The following GFPT1 variants were observed in gnomAD, a reference collection of about 807,000 sequenced individuals.
GFPT1 encodes the protein glutamine--fructose-6-phosphate transaminase 1.
GFPT1 carries 40 observed loss-of-function variants against 92.0 expected under a neutral mutation model. The ratio of observed to expected loss-of-function variants is 0.43; its 90% CI spans 0.34 to 0.57. The LOEUF is 0.57. Among genes scored for constraint, GFPT1 ranks in the 20% least tolerant of loss-of-function variants. GFPT1 has a pLI of 0.02. For missense variants in GFPT1, 448 were observed against 869.1 expected, an observed-to-expected ratio of 0.52 and a Z score of 6.09; for synonymous variants, 269 against 280.6, an observed-to-expected ratio of 0.96 and a Z score of 0.41.
chr2:69,363,694 T>A (rs1303112154), intron 3 of GFPT1, 24 bp from the exon 4 acceptor site: 1 of 1,528,624 alleles, frequency 6.5e-7, no homozygotes, highest in South Asian at 1.1e-5. Context: ...AAAGAAAAAT[T>A]TCAATATTAA....
At chr2:69,368,998 C>T (rs1176151679) in intron 3 of GFPT1, among the ~76,000 whole-genome samples, 1 of 152,170 alleles carries the variant, frequency 6.6e-6, no homozygotes. Flanking sequence ...TTCCCAGTCT[C>T]GTCAACTTGT....
chr2:69,337,753 T>G (rs1393851084), intron 15 of GFPT1, 145 bp downstream of exon 15: 10 of 725,626 alleles, frequency 1.4e-5, no homozygotes, highest in Admixed American at 2.0e-5. Context: ...TAGTAAAATG[T>G]GTGAGTTCTA....
intron 4 of GFPT1, 96 bp from the exon 5 acceptor site, chr2:69,359,422 T>G (rs1671416941): frequency 1.3e-5 from 9 of 712,174 alleles, no homozygotes; most frequent in South Asian, 1.0e-4. Context: ...AGTCAAAAAT[T>G]TTTAACATGC....
intron 3 of GFPT1, among the ~76,000 whole-genome samples, chr2:69,364,831 C>A (rs1156281441): frequency 1.3e-5 from 2 of 151,826 alleles, no homozygotes; most frequent in Non-Finnish European, 2.9e-5. Context: ...CCTGTCTCTA[C>A]TAAAACTACA....
intron 4 of GFPT1, 59 bp downstream of exon 4, chr2:69,363,486 T>C: frequency 6.6e-7 from 1 of 1,525,324 alleles, no homozygotes. Context: ...AAAGCCTTCA[T>C]TCTGCCCCCA....
chr2:69,369,982 A>G lies in GFPT1; in HGVS notation c.223+19T>C, dbSNP rs532780798. ...GAAGAGAAGGGGAAAGGGGACAAAA[A>G]TCAAATTAAGTACGTTACTGTGAAC... On this transcript the variant is annotated intron_variant, in intron 3 of 19. Coordinates refer to ENST00000357308, the MANE Select transcript of GFPT1 (RefSeq NM_001244710.2). The G allele has an allele frequency of 1.4e-5, 19 of 1,353,060 alleles. No individual in the cohort carries two copies. The Middle Eastern group carries it at 5.4e-4, about 38-fold the overall frequency. The allele number at this position is 1,353,060 out of a possible 1,614,324, so 83.8% of individuals were successfully genotyped here.
intron 3 of GFPT1, among the ~76,000 whole-genome samples, chr2:69,364,071 T>G (rs1017192977): frequency 1.2e-4 from 18 of 147,436 alleles, no homozygotes; most frequent in African/African-American, 4.6e-4. Context: ...GCTGAGATCA[T>G]GCCACTGCAC....
chr2:69,354,449 C>T, intron 8 of GFPT1, 40 bp downstream of exon 8: 3 of 1,342,712 alleles, frequency 2.2e-6, no homozygotes, highest in Non-Finnish European at 3.2e-6. Context: ...GAAAATAATT[C>T]TTCATATCTA....
At chr2:69,352,000 GCTTT>G (rs1317383750) in intron 9 of GFPT1, among the ~76,000 whole-genome samples, 1 of 152,188 alleles carries the variant, frequency 6.6e-6, no homozygotes, top group Non-Finnish European at 1.5e-5. Flanking sequence ...AGTGGCTCAT[GCTTT>G]TAATCCCAGC....
At chr2:69,383,206 G>C (rs1672050361) in intron 1 of GFPT1, among the ~76,000 whole-genome samples, 3 of 152,330 alleles carry the variant, frequency 2.0e-5, no homozygotes, top group South Asian at 4.1e-4. Context: ...CCTGGTTAAA[G>C]TTAGGTATAT....
At chr2:69,333,226 C>T (rs899546594) in intron 15 of GFPT1, among the ~76,000 whole-genome samples, 1 of 152,168 alleles carries the variant, frequency 6.6e-6, no homozygotes, top group African/African-American at 2.4e-5. Context: ...CCCTGGAATA[C>T]TTAAACTGTT....
intron 1 of GFPT1, among the ~76,000 whole-genome samples, chr2:69,385,892 G>T (rs959269526): frequency 6.6e-6 from 1 of 151,818 alleles, no homozygotes; most frequent in Admixed American, 6.6e-5. Flanking sequence ...AAGCTGAAAT[G>T]AGCATAAAGT....
chr2:69,381,265 G>C (rs1396392198), intron 1 of GFPT1, among the ~76,000 whole-genome samples: 1 of 152,192 alleles, frequency 6.6e-6, no homozygotes, highest in Non-Finnish European at 1.5e-5. Context: ...TTATAGGCGT[G>C]AGCCACTGCG....
At chr2:69,374,138 A>G (rs755479055) in intron 1 of GFPT1, 25 bp from the exon 2 acceptor site, 4 of 1,119,620 alleles carry the variant, frequency 3.6e-6, no homozygotes, top group Non-Finnish European at 5.4e-6. Flanking sequence ...ATATTTAATG[A>G]AAAATTCTGA....
At chr2:69,358,489 A>C in intron 5 of GFPT1, 26 bp from the exon 6 acceptor site, 1 of 1,494,646 alleles carries the variant, frequency 6.7e-7, no homozygotes, top group Non-Finnish European at 9.2e-7. Flanking sequence ...AAAAAAAGAT[A>C]CAATTAAAGA....
intron 1 of GFPT1, among the ~76,000 whole-genome samples, chr2:69,384,161 T>C (rs920284094): frequency 6.6e-6 from 1 of 152,180 alleles, no homozygotes; most frequent in African/African-American, 2.4e-5. Context: ...TTCTCAATGC[T>C]TATTATTAAT....
intron 19 of GFPT1, 133 bp from the exon 20 acceptor site, chr2:69,326,366 G>A (rs1047589678): frequency 3.0e-6 from 2 of 659,004 alleles, no homozygotes; most frequent in Non-Finnish European, 5.3e-6. Context: ...CTTTATTACA[G>A]ACTACAAAGA....
rs1384342348 is a variant in GFPT1 at position 69,325,168 on chromosome 2, C to G, written c.*1021G>C. 1 of 152,094 alleles carries G rather than the reference C, an allele frequency of 6.6e-6. No homozygotes were observed. The highest frequency in any genetic ancestry group is 1.5e-5 in the Non-Finnish European group (1 of 67,986). The allele number at this position is 152,094 out of a possible 1,614,324, so 9.4% of individuals were successfully genotyped here. The stretch of plus-strand genomic sequence containing the variant: ...TCTTCCAAACAATTGCAAGTAACTT[C>G]CAAACTGGCACTAAGGGACTAGTTT... On this transcript the variant is annotated 3_prime_UTR_variant, in exon 20 of 20. Coordinates refer to ENST00000357308, the MANE Select transcript of GFPT1 (RefSeq NM_001244710.2).
chr2:69,373,757 CAAT>C (rs1671806580), intron 2 of GFPT1, among the ~76,000 whole-genome samples: 1 of 152,128 alleles, frequency 6.6e-6, no homozygotes, highest in Non-Finnish European at 1.5e-5. Flanking sequence ...TGTTTTACCA[CAAT>C]AATCCCCCAT....
Sources: allele counts gnomAD v4.1 joint callset (sites outside exome capture counted in the v4.1 genomes callset), GRCh38; gene constraint gnomAD v4.1.1; transcripts MANE v1.5; gene names NCBI Gene and HGNC (gene_info 2026-07-23, HGNC 2026-07-21).